USP42: variants seen among roughly 807,000 people sequenced by gnomAD.
USP42 encodes the protein ubiquitin carboxyl-terminal hydrolase 42.
In USP42, 23 loss-of-function variants were observed where a neutral mutation model predicts 113.0. The observed-to-expected ratio is 0.20, with a 90% CI of 0.15 to 0.29. USP42 has a LOEUF of 0.29. Among genes scored for constraint, USP42 ranks in the 10% least tolerant of loss-of-function variants. USP42 has a pLI of 1.00. For missense variants in USP42, 2,174 were observed against 1,779.8 expected, an observed-to-expected ratio of 1.22 and a Z score of -3.99; for synonymous variants, 933 against 699.0, an observed-to-expected ratio of 1.33 and a Z score of -5.28.
At chr7:6,144,579 T>C (rs542507817) in intron 9 of USP42, among the ~76,000 whole-genome samples, 4 of 152,268 alleles carry the variant, frequency 2.6e-5, no homozygotes, top group South Asian at 4.1e-4. Flanking sequence ...TTATTAAAAT[T>C]AAATAATCGG....
intron 14 of USP42, among the ~76,000 whole-genome samples, chr7:6,152,285 C>T (rs1339813228): frequency 6.6e-6 from 1 of 152,232 alleles, no homozygotes; most frequent in Non-Finnish European, 1.5e-5. Context: ...GTCGTGTTCT[C>T]ATGGCGAACA....
At chr7:6,108,238 CT>C (rs936311078) in intron 1 of USP42, among the ~76,000 whole-genome samples, 3 of 152,022 alleles carry the variant, frequency 2.0e-5, no homozygotes, top group African/African-American at 2.4e-5. Context: ...AAAATTGATG[CT>C]TTTAAAAAAC....
intron 3 of USP42, among the ~76,000 whole-genome samples, chr7:6,131,601 T>C (rs1780854775): frequency 1.3e-5 from 2 of 152,186 alleles, no homozygotes; most frequent in Admixed American, 1.3e-4. Flanking sequence ...ATCCTTTGGC[T>C]GGAGAGAGTG....
chr7:6,105,400 G>A (rs1462915011), intron 1 of USP42, among the ~76,000 whole-genome samples: 3 of 149,270 alleles, frequency 2.0e-5, no homozygotes, highest in South Asian at 2.1e-4. Flanking sequence ...GCAGGCAGGC[G>A]GGAGGCTCGG....
In USP42 at chr7:6,147,737, A is replaced by G; in HGVS notation, c.1233-2A>G. ...CCTAAGTATCGCTCTCCTTGTTTCCAGGTCCCATGATGTGAAAAATGGAGG... is the reference window on the plus strand; with the variant it reads ...CCTAAGTATCGCTCTCCTTGTTTCCGGGTCCCATGATGTGAAAAATGGAGG... On this transcript the variant is annotated splice_acceptor_variant, in intron 11 of 17. Transcript: ENST00000306177. LOFTEE classifies it high-confidence loss of function. 1 of 1,573,876 alleles carries G rather than the reference A, an allele frequency of 6.4e-7. No individual in the cohort carries two copies.
chr7:6,108,122 G>A (rs1443693950), intron 1 of USP42, among the ~76,000 whole-genome samples: 1 of 152,176 alleles, frequency 6.6e-6, no homozygotes, highest in East Asian at 1.9e-4. Context: ...AGGTGGAGAA[G>A]GTTGCAGTGA....
rs1024426818 is a variant in USP42, at chr7:6,125,820, G to GT, written c.443-10011dup. Among the ~76,000 whole-genome samples the GT allele has an allele frequency of 1.8e-3, 243 of 135,794 alleles. 1 individual carries two copies. The highest frequency in any genetic ancestry group is 7.5e-3 in the Middle Eastern group (2 of 268). 89.1% of individuals were successfully genotyped at this position (135,794 alleles called of 152,430 possible). ...TACTTTGTTGTTGATTTTAGTTTTT[G>GT]TTTTTTTTTTGGTTTGAAATGTCTT... On this transcript the variant is annotated intron_variant, in intron 3 of 17. Transcript: ENST00000306177.
chr7:6,092,973 C>T, the USP42 span: 1 of 150,696 alleles, frequency 6.6e-6, no homozygotes, highest in African/African-American at 2.5e-5. Flanking sequence ...GAGAACTTAA[C>T]AGATAAATAT....
At chr7:6,112,533 A>G (rs529975932) in intron 2 of USP42, among the ~76,000 whole-genome samples, 1 of 152,206 alleles carries the variant, frequency 6.6e-6, no homozygotes. Context: ...TACATTCGTT[A>G]AAACTCATCC....
chr7:6,111,769 A>ATTT (rs375859355), intron 2 of USP42: 2,675 of 139,258 alleles, frequency 0.019, 89 homozygotes, highest in African/African-American at 0.059. Flanking sequence ...AGCCCGGCTA[A>ATTT]TTTTTTTTTT....
At chr7:6,145,193 C>T (rs534349624) in intron 9 of USP42, among the ~76,000 whole-genome samples, 9 of 150,640 alleles carry the variant, frequency 6.0e-5, no homozygotes, top group Non-Finnish European at 8.9e-5. Context: ...ATTAGCTGGG[C>T]GTGGTGGCGC....
intron 3 of USP42, among the ~76,000 whole-genome samples, chr7:6,125,781 G>C (rs954981091): frequency 1.3e-5 from 2 of 150,562 alleles, no homozygotes; most frequent in Non-Finnish European, 3.0e-5. Flanking sequence ...TTGATGCTCA[G>C]GGGTTGTTTA....
At chr7:6,133,235 A>G (rs1780947292) in intron 3 of USP42, among the ~76,000 whole-genome samples, 1 of 152,208 alleles carries the variant, frequency 6.6e-6, no homozygotes, top group South Asian at 2.1e-4. Flanking sequence ...CCTCTTCCCA[A>G]AAACCTCCTT....
At chr7:6,085,475 C>G in the USP42 span, among the ~76,000 whole-genome samples, 3 of 149,890 alleles carry the variant, frequency 2.0e-5, no homozygotes, top group Admixed American at 2.0e-4. Flanking sequence ...CTAGTTAAAT[C>G]TTCCTCCTAG....
chr7:6,086,757 G>A, the USP42 span, among the ~76,000 whole-genome samples: 27 of 141,210 alleles, frequency 1.9e-4, no homozygotes, highest in Non-Finnish European at 4.0e-4. Context: ...ATGGAGTTTC[G>A]CTCTTGTCGC....
chr7:6,108,055 G>A (rs1300240251), intron 1 of USP42, among the ~76,000 whole-genome samples: 3 of 152,028 alleles, frequency 2.0e-5, no homozygotes, highest in East Asian at 1.9e-4. Flanking sequence ...GTGGTGGCAC[G>A]CACCTGTAGT....
chr7:6,122,545 A>T (rs1053744175), intron 3 of USP42, among the ~76,000 whole-genome samples: 2 of 150,328 alleles, frequency 1.3e-5, no homozygotes, highest in Non-Finnish European at 3.0e-5. Flanking sequence ...TCTCGGCTCA[A>T]CTGCAACCTG....
chr7:6,082,617 T>TTG, the USP42 span, among the ~76,000 whole-genome samples: 5 of 113,832 alleles, frequency 4.4e-5, no homozygotes, highest in South Asian at 2.9e-4. Flanking sequence ...TTTTTTTTTT[T>TTG]TTTTTTTTTT....
At chr7:6,095,053 G>A in the USP42 span, among the ~76,000 whole-genome samples, 3 of 151,350 alleles carry the variant, frequency 2.0e-5, no homozygotes, top group Non-Finnish European at 2.9e-5. Flanking sequence ...CTCCCAAAGT[G>A]CTGGCATTAT....
Sources: gnomAD v4.1 joint callset for allele counts (sites outside exome capture counted in the v4.1 genomes callset) on GRCh38, gnomAD v4.1.1 for gene constraint, MANE v1.5 for transcripts, NCBI Gene and HGNC (gene_info 2026-07-23, HGNC 2026-07-21) for gene names.